Variants in DNAH7 observed in about 807,000 individuals in gnomAD.
The protein encoded by DNAH7 is axonemal beta dynein heavy chain 7.
DNAH7 carries 397 observed loss-of-function variants against 444.6 expected under a neutral mutation model. The ratio of observed to expected loss-of-function variants is 0.89; its 90% CI spans 0.82 to 0.97. DNAH7 has a LOEUF of 0.97. DNAH7 is among the 50% of genes least tolerant of loss of function. The probability of loss-of-function intolerance (pLI) is 0.00; values close to 1 mark genes in which losing one functional copy is unlikely to be tolerated. For synonymous variants in DNAH7, 1,636 were observed against 1,624.4 expected (o/e 1.01, Z -0.17); for missense variants, 4,902 against 4,800.8 (o/e 1.02, Z -0.62).
At chr2:195,895,288 A>T in intron 29 of DNAH7, 64 bp from the exon 30 acceptor site, 1 of 1,132,308 alleles carries the variant, frequency 8.8e-7, no homozygotes, top group Non-Finnish European at 1.2e-6. Context: ...AATATTTTGT[A>T]TTGATGGAAA....
intron 1 of DNAH7, among the ~76,000 whole-genome samples, chr2:196,060,126 G>C (rs1167370887): frequency 6.6e-6 from 1 of 152,152 alleles, no homozygotes. Context: ...GCTGAGGCAG[G>C]AGAATGGTGT....
At chr2:195,882,092 G>C (rs1701419181) in intron 35 of DNAH7, 100 bp from the exon 36 acceptor site, 1 of 887,978 alleles carries the variant, frequency 1.1e-6, no homozygotes, top group South Asian at 1.7e-5. Context: ...AACAAACCCT[G>C]ATATGTATAC....
intron 19 of DNAH7, among the ~76,000 whole-genome samples, chr2:195,949,465 G>A (rs1312936596): frequency 6.6e-6 from 1 of 152,086 alleles, no homozygotes; most frequent in Non-Finnish European, 1.5e-5. Context: ...CGTATTTTCA[G>A]TAGAGATGGA....
Position 195,861,574 on chromosome 2 carries a change from G to A in DNAH7, c.7736+143C>T, listed in dbSNP as rs946900001. The A allele has an allele frequency of 4.5e-6, 3 of 662,866 alleles. No homozygotes were observed. The Admixed American group carries it at 8.9e-5, about 20-fold the overall frequency. The allele number at this position is 662,866 out of a possible 1,614,324, so 41.1% of individuals were successfully genotyped here. ...ACCCCTCCCTAAATTCAAAATGTCT[G>A]TGGATTAAATAATTTAAAGATGTAA... On this transcript the variant is annotated intron_variant, in intron 42 of 64. Transcript: ENST00000312428.
intron 10 of DNAH7, among the ~76,000 whole-genome samples, chr2:196,005,008 C>T (rs1011547544): frequency 4.7e-5 from 7 of 150,100 alleles, no homozygotes; most frequent in East Asian, 2.0e-4. Flanking sequence ...CAGTGGCTCA[C>T]GCCTGTAATC....
intron 19 of DNAH7, among the ~76,000 whole-genome samples, chr2:195,938,697 T>C (rs1163774456): frequency 6.6e-6 from 1 of 152,116 alleles, no homozygotes; most frequent in Non-Finnish European, 1.5e-5. Context: ...CAACAAACCA[T>C]GGAAAGAGCA....
chr2:195,871,803 C>T (rs1299443161), intron 40 of DNAH7, among the ~76,000 whole-genome samples: 1 of 90,512 alleles, frequency 1.1e-5, no homozygotes, highest in Non-Finnish European at 2.0e-5. Flanking sequence ...TAGTGGCGGG[C>T]GCCTGTAGTC....
At chr2:195,937,108 G>C (rs1343753282) in intron 19 of DNAH7, among the ~76,000 whole-genome samples, 1 of 152,172 alleles carries the variant, frequency 6.6e-6, no homozygotes, top group South Asian at 2.1e-4. Context: ...AAACAAACTG[G>C]TATGAGATAT....
chr2:195,991,285 T>A (rs990388897), intron 12 of DNAH7, among the ~76,000 whole-genome samples: 14 of 151,286 alleles, frequency 9.3e-5, no homozygotes, highest in African/African-American at 3.4e-4. Context: ...AATTCCCACA[T>A]GCTGACAATT....
chr2:195,850,689 T>C (rs1189134923), intron 46 of DNAH7, among the ~76,000 whole-genome samples: 1 of 152,190 alleles, frequency 6.6e-6, no homozygotes, highest in Non-Finnish European at 1.5e-5. Flanking sequence ...AACCCTTTGA[T>C]GTCAGAAAAG....
chr2:195,793,504 A>C (rs1348442635), intron 57 of DNAH7, among the ~76,000 whole-genome samples: 2 of 152,158 alleles, frequency 1.3e-5, no homozygotes, highest in Non-Finnish European at 2.9e-5. Flanking sequence ...ATCATCATCT[A>C]TCTGGGAGTA....
intron 29 of DNAH7, among the ~76,000 whole-genome samples, chr2:195,896,866 C>A (rs1309791859): frequency 6.6e-6 from 1 of 152,166 alleles, no homozygotes; most frequent in Non-Finnish European, 1.5e-5. Flanking sequence ...CCATCGGTAG[C>A]TAATGACACT....
chr2:195,847,281 T>C (rs1320434121), intron 46 of DNAH7, among the ~76,000 whole-genome samples: 2 of 151,440 alleles, frequency 1.3e-5, no homozygotes, highest in Non-Finnish European at 2.9e-5. Flanking sequence ...ACTCAAATGG[T>C]ACATATACAC....
At chr2:195,907,396 C>A (rs1024870304) in intron 25 of DNAH7, among the ~76,000 whole-genome samples, 1 of 152,062 alleles carries the variant, frequency 6.6e-6, no homozygotes, top group Non-Finnish European at 1.5e-5. Context: ...AGTGAGACTG[C>A]CTTGTGGTTT....
At chr2:195,739,977 G>GT (rs1020749021) in intron 64 of DNAH7, among the ~76,000 whole-genome samples, 3 of 152,082 alleles carry the variant, frequency 2.0e-5, no homozygotes, top group South Asian at 2.1e-4. Flanking sequence ...ACACAGTGCT[G>GT]TTTTTTTGTT....
At chr2:195,885,423 T>G (rs1357140975) in intron 34 of DNAH7, among the ~76,000 whole-genome samples, 1 of 152,214 alleles carries the variant, frequency 6.6e-6, no homozygotes, top group African/African-American at 2.4e-5. Flanking sequence ...GCCAAGAGAT[T>G]CTGGACTATG....
At chr2:195,814,176 C>T (rs558637321) in intron 51 of DNAH7, among the ~76,000 whole-genome samples, 45 of 152,260 alleles carry the variant, frequency 3.0e-4, no homozygotes, top group Middle Eastern at 3.4e-3. Context: ...GATTTCTGCA[C>T]GTTTCTTCAT....
chr2:196,033,487 CA>C (rs1696190904), intron 5 of DNAH7, among the ~76,000 whole-genome samples: 6 of 152,206 alleles, frequency 3.9e-5, no homozygotes, highest in Non-Finnish European at 7.4e-5. Flanking sequence ...TGGTAACAAC[CA>C]TTCTACTCTC....
chr2:195,951,584 G>A (rs547103835), intron 19 of DNAH7, among the ~76,000 whole-genome samples: 2 of 152,158 alleles, frequency 1.3e-5, no homozygotes, highest in South Asian at 4.2e-4. Flanking sequence ...TCTCTTCTTA[G>A]GTCTCTAAGA....
Sources: allele counts gnomAD v4.1 joint callset (sites outside exome capture counted in the v4.1 genomes callset), GRCh38; gene constraint gnomAD v4.1.1; transcripts MANE v1.5; gene names NCBI Gene and HGNC (gene_info 2026-07-23, HGNC 2026-07-21).